AFAP1: variants seen among roughly 807,000 people sequenced by gnomAD.
AFAP1 encodes the protein actin filament-associated protein 1.
In AFAP1, 75 loss-of-function variants were observed where a neutral mutation model predicts 93.9. That is an observed-to-expected ratio of 0.80 (90% CI 0.66 to 0.97). AFAP1 has a LOEUF of 0.97. Among genes scored for constraint, AFAP1 ranks in the 50% least tolerant of loss-of-function variants. The pLI is 0.00. For missense variants in AFAP1, 1,201 were observed against 1,050.8 expected (o/e 1.14, Z -1.98); for synonymous variants, 517 against 430.7 (o/e 1.20, Z -2.48).
chr4:7,826,401 C>T (rs1307869286), intron 6 of AFAP1, among the ~76,000 whole-genome samples: 2 of 152,214 alleles, frequency 1.3e-5, no homozygotes, highest in African/African-American at 4.8e-5. Context: ...GACGCCCCTC[C>T]CAGGAGGCCC....
chr4:7,818,241 C>T (rs1424633924), intron 7 of AFAP1, among the ~76,000 whole-genome samples: 1 of 152,208 alleles, frequency 6.6e-6, no homozygotes, highest in Non-Finnish European at 1.5e-5. Context: ...CCTGCACCAT[C>T]GGCTCTCCTG....
At chr4:7,786,503 G>A (rs1717277722) in intron 11 of AFAP1, among the ~76,000 whole-genome samples, 192 bp from the exon 12 acceptor site, 1 of 152,198 alleles carries the variant, frequency 6.6e-6, no homozygotes, top group African/African-American at 2.4e-5. Context: ...AATTAGGATG[G>A]CACATAATCT....
At chr4:7,805,492 C>T (rs58457272) in intron 9 of AFAP1, among the ~76,000 whole-genome samples, 38,033 of 152,040 alleles carry the variant, frequency 0.25, 5,122 homozygotes, top group Non-Finnish European at 0.3. Context: ...AAAAACATGT[C>T]GGATGAATAC....
chr4:7,780,567 A>T (rs1278442895), intron 13 of AFAP1, among the ~76,000 whole-genome samples: 1 of 152,204 alleles, frequency 6.6e-6, no homozygotes, highest in East Asian at 1.9e-4. Context: ...TGTCCCAGCT[A>T]CTTGGGAGGC....
chr4:7,939,176 A>G lies in AFAP1; in HGVS notation c.-3+480T>C, dbSNP rs7695170. 72,928 of 201,146 alleles carry G rather than the reference A, an allele frequency of 0.36. 14,689 individuals are homozygous for G. The highest frequency in any genetic ancestry group is 0.57 in the African/African-American group (23,681 of 41,512). The allele number at this position is 201,146 out of a possible 1,614,324, so 12.5% of individuals were successfully genotyped here. A position where few individuals can be genotyped will look rare whatever the true frequency, so the allele number is the denominator to read the frequency against. Reference sequence around the variant, plus strand: ...ACTCAGGAAGCCGTCATGCGGGGCCAAGAAAGAGCCCCCATCCAGAGTCAC... The same window carrying G: ...ACTCAGGAAGCCGTCATGCGGGGCCGAGAAAGAGCCCCCATCCAGAGTCAC... On this transcript the variant is annotated intron_variant, in intron 1 of 17. Transcript: ENST00000420658. This position sits in a 1 kb window ranked among gnomAD's most constrained non-coding sequence, Gnocchi z 5.6.
chr4:7,786,107 C>A lies in AFAP1; in HGVS notation c.1530+87G>T, dbSNP rs558235523. The A allele has an allele frequency of 1.7e-5, 21 of 1,267,544 alleles. No individual in the cohort carries two copies. In the African/African-American group the frequency reaches 2.7e-4, roughly 16 times the overall value. The allele number at this position is 1,267,544 out of a possible 1,614,324, so 78.5% of individuals were successfully genotyped here. ...CATTAAAAAGCTGACCTTATTCAGA[C>A]CTGAAACCAGGGGAACTGAAGCACA... On this transcript the variant is annotated intron_variant, in intron 12 of 17. Transcript: ENST00000420658.
At chr4:7,882,144 A>G (rs73210876) in intron 1 of AFAP1, among the ~76,000 whole-genome samples, 42 of 152,294 alleles carry the variant, frequency 2.8e-4, no homozygotes, top group Non-Finnish European at 5.3e-4. Context: ...CACCCTCCAC[A>G]AGAAAAGTCA....
At chr4:7,810,198 G>A (rs983255820) in intron 8 of AFAP1, among the ~76,000 whole-genome samples, 2 of 152,172 alleles carry the variant, frequency 1.3e-5, no homozygotes, top group Non-Finnish European at 2.9e-5. Context: ...CACTTGCTAC[G>A]TGCTGGCTGT....
chr4:7,900,335 CTAGCACATTTAGCATT>C (rs1719047913), intron 1 of AFAP1, among the ~76,000 whole-genome samples: 1 of 41,882 alleles, frequency 2.4e-5, no homozygotes, highest in Non-Finnish European at 7.0e-5. Flanking sequence ...TTGTGCGCAT[CTAGCACATTTAGCATT>C]TAGCACATTT....
chr4:7,770,547 A>T (rs1214769041), intron 16 of AFAP1, among the ~76,000 whole-genome samples: 1 of 152,172 alleles, frequency 6.6e-6, no homozygotes, highest in Non-Finnish European at 1.5e-5. Context: ...GGGCAAGGGG[A>T]CAGTCACCAG....
At chr4:7,907,723 A>G (rs1006189721) in intron 1 of AFAP1, among the ~76,000 whole-genome samples, 2 of 152,180 alleles carry the variant, frequency 1.3e-5, no homozygotes, top group Non-Finnish European at 2.9e-5. Flanking sequence ...AGTATAATAC[A>G]TATTCAAAAA....
chr4:7,874,356 C>CTTTTTTTTTTTTTTTTT (rs869214535), intron 1 of AFAP1, among the ~76,000 whole-genome samples: 1 of 92,440 alleles, frequency 1.1e-5, no homozygotes, highest in African/African-American at 4.7e-5. Context: ...TTGCCTTTTT[C>CTTTTTTTTTTTTTTTTT]TTTTTTTTTT....
intron 5 of AFAP1, among the ~76,000 whole-genome samples, chr4:7,841,213 T>A (rs1000967754): frequency 1.3e-5 from 2 of 152,178 alleles, no homozygotes; most frequent in African/African-American, 2.4e-5. Context: ...GACGCCCAGT[T>A]TGAGTGGCCT....
rs971824919 is a variant in AFAP1, at chr4:7,761,077, G to C, written c.*2688C>G. ...TTGTTCCTGGGGCATGTTTTGGGAG[G>C]GGAATAAAATGACATCACTGTCAGA... On this transcript the variant is annotated 3_prime_UTR_variant, in exon 18 of 18. Coordinates refer to ENST00000420658, the MANE Select transcript of AFAP1 (RefSeq NM_001134647.2). 1 of 152,222 alleles carries C rather than the reference G, an allele frequency of 6.6e-6. No individual in the cohort carries two copies. Among genetic ancestry groups the C allele is most frequent in the Non-Finnish European group, 1.5e-5 (1 of 68,038 alleles). The allele number at this position is 152,222 out of a possible 1,614,324, so 9.4% of individuals were successfully genotyped here.
intron 5 of AFAP1, 58 bp from the exon 6 acceptor site, chr4:7,838,761 A>C: frequency 6.3e-7 from 1 of 1,579,076 alleles, no homozygotes; most frequent in Non-Finnish European, 8.6e-7. Flanking sequence ...AGAAACACTG[A>C]GGAAGCTCTA....
intron 10 of AFAP1, among the ~76,000 whole-genome samples, chr4:7,794,563 C>G (rs1718207339): frequency 6.6e-6 from 1 of 151,986 alleles, no homozygotes; most frequent in Admixed American, 6.6e-5. Flanking sequence ...GCTCTGTTAC[C>G]CAGGCTGGAG....
intron 3 of AFAP1, among the ~76,000 whole-genome samples, chr4:7,861,378 T>G (rs1274276910): frequency 1.3e-5 from 2 of 152,184 alleles, no homozygotes; most frequent in African/African-American, 4.8e-5. Context: ...TAATAAAATT[T>G]TATAGTTTAA....
chr4:7,929,019 G>C (rs1053930734), intron 1 of AFAP1, among the ~76,000 whole-genome samples: 2 of 152,236 alleles, frequency 1.3e-5, no homozygotes, highest in Admixed American at 6.5e-5. Flanking sequence ...AGAGGCTTCG[G>C]AAATGCCTTC....
chr4:7,797,322 T>C (rs1432438956), intron 10 of AFAP1, among the ~76,000 whole-genome samples: 1 of 152,142 alleles, frequency 6.6e-6, no homozygotes, highest in Non-Finnish European at 1.5e-5. Flanking sequence ...TTTCAAAGCA[T>C]CTTCCCACAT....
Sources: allele counts gnomAD v4.1 joint callset (sites outside exome capture counted in the v4.1 genomes callset), GRCh38; gene constraint gnomAD v4.1.1; non-coding constraint Gnocchi (gnomAD v3.1); transcripts MANE v1.5; gene names NCBI Gene and HGNC (gene_info 2026-07-23, HGNC 2026-07-21).